The following PFKFB3 variants were observed in gnomAD, a reference collection of about 807,000 sequenced individuals.
The protein encoded by PFKFB3 is 6-phosphofructo-2-kinase/fructose-2,6-bisphosphatase 3.
In PFKFB3, 33 loss-of-function variants were observed where a neutral mutation model predicts 68.0. That is an observed-to-expected ratio of 0.49 (90% CI 0.37 to 0.65). The LOEUF (loss-of-function observed/expected upper bound fraction) is 0.65, where lower values mean the gene tolerates loss of function less well. Ranked by LOEUF, PFKFB3 falls within the 30% of genes least tolerant of loss-of-function variation. PFKFB3 has a pLI of 0.00. For synonymous variants in PFKFB3, 315 were observed against 288.2 expected, an observed-to-expected ratio of 1.09 and a Z score of -0.94; for missense variants, 586 against 712.2, an observed-to-expected ratio of 0.82 and a Z score of 2.02.
At chr10:6,238,789 A>G (rs1390360519), downstream of PFKFB3, among the ~76,000 whole-genome samples, 2 of 151,982 alleles carry the variant, frequency 1.3e-5, no homozygotes, top group African/African-American at 4.8e-5. Context: ...CTCATTATTT[A>G]GCTCCCACTT....
At chr10:6,184,802 T>G (rs1267421273) in intron 1 of PFKFB3, among the ~76,000 whole-genome samples, 1 of 144,824 alleles carries the variant, frequency 6.9e-6, no homozygotes. Context: ...GAGAGCGTGT[T>G]TAGCTGTGTT....
chr10:6,203,953 G>T (rs1357738866), intron 1 of PFKFB3, among the ~76,000 whole-genome samples: 1 of 152,130 alleles, frequency 6.6e-6, no homozygotes, highest in East Asian at 1.9e-4. Context: ...CCATGGGGGC[G>T]CCCGTGCTGG....
intron 14 of PFKFB3, among the ~76,000 whole-genome samples, chr10:6,250,432 A>G (rs755573051): frequency 9.2e-5 from 14 of 152,030 alleles, no homozygotes; most frequent in Admixed American, 2.0e-4. Context: ...TTAGCCGGGC[A>G]TGGTGGCGGG....
the PFKFB3 span, among the ~76,000 whole-genome samples, chr10:6,282,367 G>A: frequency 2.6e-5 from 4 of 152,098 alleles, no homozygotes; most frequent in Non-Finnish European, 4.4e-5. Context: ...ACCCTTGGGC[G>A]GCTCAATGTA....
At chr10:6,322,790 T>C in the PFKFB3 span, among the ~76,000 whole-genome samples, 14 of 152,386 alleles carry the variant, frequency 9.2e-5, 2 homozygotes, top group South Asian at 2.3e-3. Flanking sequence ...GTCTGAAAGA[T>C]GCCTTGCTGT....
the PFKFB3 span, among the ~76,000 whole-genome samples, chr10:6,316,126 G>A: frequency 1.3e-5 from 2 of 152,182 alleles, no homozygotes; most frequent in Non-Finnish European, 2.9e-5. Context: ...ATGGAGACGT[G>A]GATTTGTGAG....
Position 6,215,226 on chromosome 10 carries a change from A to G in PFKFB3, c.208A>G (p.Asn70Asp). 6.2e-7 allele frequency: 1 copy of G among 1,613,792 alleles called. No homozygotes were observed. Among genetic ancestry groups the G allele is most frequent in the Admixed American group, 1.7e-5 (1 of 60,024 alleles). The change falls in exon 3 of 15, where the codon AAC (asparagine) becomes GAC (aspartate). Residue 70 changes from asparagine (N) to aspartate (D), a missense_variant. Physicochemically the swap from Asn to Asp is conservative, Grantham distance 23. Transcript: ENST00000379775. The surrounding 1 kb of genome is among the most constrained non-coding windows in gnomAD (Gnocchi z 4.3). Reference protein sequence around the residue: ...NWIGVPTKVFNVGEYRREAVK... With the variant: ...NWIGVPTKVFDVGEYRREAVK... ...GTTCTCTTTCCCGTCCACAGTGTTC[A>G]ACGTCGGGGAGTATCGCCGGGAGGC... is the stretch of plus-strand genomic sequence containing the variant.
the PFKFB3 span, among the ~76,000 whole-genome samples, chr10:6,313,084 T>G: frequency 6.6e-6 from 1 of 152,268 alleles, no homozygotes; most frequent in African/African-American, 2.4e-5. This position sits in a 1 kb window ranked among gnomAD's most constrained non-coding sequence, Gnocchi z 4.2. Context: ...AGAAATCTCT[T>G]ACTAAATGTG....
chr10:6,194,057 G>C (rs1402214354), intron 1 of PFKFB3, among the ~76,000 whole-genome samples: 1 of 152,176 alleles, frequency 6.6e-6, no homozygotes, highest in African/African-American at 2.4e-5. Context: ...TGAGAACAAT[G>C]GGAACCATTG....
chr10:6,270,378 A>T, the PFKFB3 span, among the ~76,000 whole-genome samples: 3 of 152,276 alleles, frequency 2.0e-5, no homozygotes, highest in South Asian at 6.2e-4. Flanking sequence ...CTAGAGGAAT[A>T]TTTTTGAGGT....
intron 1 of PFKFB3, among the ~76,000 whole-genome samples, chr10:6,205,025 T>C (rs1412056127): frequency 1.3e-5 from 2 of 152,208 alleles, no homozygotes; most frequent in Non-Finnish European, 2.9e-5. Flanking sequence ...TTAGACCCCA[T>C]CAACCTGCAC....
chr10:6,306,532 TC>T, the PFKFB3 span, among the ~76,000 whole-genome samples: 1 of 152,170 alleles, frequency 6.6e-6, no homozygotes, highest in East Asian at 1.9e-4. Context: ...GTAGCTGAAG[TC>T]AGGGTTGCTT....
At chr10:6,224,287 G>A in intron 13 of PFKFB3, 74 bp downstream of exon 13, 1 of 1,480,736 alleles carries the variant, frequency 6.8e-7, no homozygotes, top group East Asian at 2.3e-5. Context: ...CGCTCAGGAG[G>A]CCCCGGGGCC....
Position 6,229,377 on chromosome 10 carries a change from C to G in PFKFB3, c.1515+3012C>G, listed in dbSNP as rs116551056. On this transcript the variant is annotated intron_variant, in intron 14 of 14. Transcript: ENST00000379775. This position sits in a 1 kb window ranked among gnomAD's most constrained non-coding sequence, Gnocchi z 4.3. Reference sequence around the variant, plus strand: ...CCGCAGAGCCGGGGCCTGAAAGGCCCCTTGCTTCAGAAAGCCGGCCGCCTC... The same window carrying G: ...CCGCAGAGCCGGGGCCTGAAAGGCCGCTTGCTTCAGAAAGCCGGCCGCCTC... Among the ~76,000 whole-genome samples the G allele has an allele frequency of 0.016, 2,468 of 152,294 alleles. 76 individuals are homozygous for G. The highest frequency in any genetic ancestry group is 0.057 in the African/African-American group (2,361 of 41,568).
chr10:6,288,947 A>G, the PFKFB3 span, among the ~76,000 whole-genome samples: 2 of 151,532 alleles, frequency 1.3e-5, no homozygotes, highest in South Asian at 4.1e-4. Flanking sequence ...CATTTCTCTG[A>G]TGGCCAGTGA....
At chr10:6,147,224 G>C (rs77273023) in intron 1 of PFKFB3, among the ~76,000 whole-genome samples, 2 of 152,236 alleles carry the variant, frequency 1.3e-5, no homozygotes. Context: ...GGAGACGCCA[G>C]TGCAGCTACT....
At chr10:6,260,256 CA>C in the PFKFB3 span, among the ~76,000 whole-genome samples, 2 of 151,718 alleles carry the variant, frequency 1.3e-5, no homozygotes, top group African/African-American at 4.8e-5. Context: ...ACTAAAAATA[CA>C]AAAAAATTAG....
Position 6,229,083 on chromosome 10 carries a change from T to G in PFKFB3, c.1515+2718T>G, listed in dbSNP as rs753031318. ...GCCCCTTTATTTCCTGTTTGCTCCT[T>G]AAGTTACCTTAACTACTTTATGCAG... On this transcript the variant is annotated intron_variant, in intron 14 of 14. Coordinates refer to ENST00000379775, the MANE Select transcript of PFKFB3 (RefSeq NM_004566.4). The surrounding 1 kb of genome is among the most constrained non-coding windows in gnomAD (Gnocchi z 4.3). 9.5e-6 allele frequency: 5 copies of G among 528,334 alleles called. No homozygotes were observed. In the Admixed American group the frequency reaches 9.8e-5, roughly 10 times the overall value. 32.7% of individuals were successfully genotyped at this position (528,334 alleles called of 1,614,324 possible).
At chr10:6,164,953 A>G (rs1277630348) in intron 1 of PFKFB3, among the ~76,000 whole-genome samples, 1 of 151,726 alleles carries the variant, frequency 6.6e-6, no homozygotes, top group Non-Finnish European at 1.5e-5. Flanking sequence ...TTCCATTCCC[A>G]GGGATGAGCA....
Sources: allele counts gnomAD v4.1 joint callset (sites outside exome capture counted in the v4.1 genomes callset), GRCh38; gene constraint gnomAD v4.1.1; non-coding constraint Gnocchi (gnomAD v3.1); transcripts MANE v1.5; gene names NCBI Gene and HGNC (gene_info 2026-07-23, HGNC 2026-07-21).